Variants in CEP192 observed in about 807,000 individuals in gnomAD.
The protein encoded by CEP192 is centrosomal protein 192.
Under a neutral mutation model 271.8 loss-of-function variants are expected in CEP192, and 151 were observed. That is an observed-to-expected ratio of 0.56 (90% CI 0.49 to 0.64). CEP192 has a LOEUF of 0.64. Among genes scored for constraint, CEP192 ranks in the 30% least tolerant of loss-of-function variants. The probability of loss-of-function intolerance (pLI) is 0.00; values close to 1 mark genes in which losing one functional copy is unlikely to be tolerated. For synonymous variants in CEP192, 995 were observed against 1,076.5 expected, an observed-to-expected ratio of 0.92 and a Z score of 1.48; for missense variants, 2,910 against 3,020.5, an observed-to-expected ratio of 0.96 and a Z score of 0.86.
At chr18:13,117,097 A>T (rs997593189) in intron 43 of CEP192, among the ~76,000 whole-genome samples, 1 of 151,280 alleles carries the variant, frequency 6.6e-6, no homozygotes, top group African/African-American at 2.4e-5. Context: ...GGTGGCAGGT[A>T]CCTGTAGTTC....
In CEP192 at chr18:13,019,076, T is replaced by A; in HGVS notation, c.926-6T>A. ...GCTCCTTTAACATTTTTCTTTATTT[T>A]TTCAGGTAATTCTATAGGTACTGGA... On this transcript the variant is annotated splice_region_variant and splice_polypyrimidine_tract_variant and intron_variant, in intron 8 of 44. Coordinates refer to ENST00000506447, the MANE Select transcript of CEP192 (RefSeq NM_032142.4). 6.6e-7 allele frequency: 1 copy of A among 1,525,786 alleles called. No individual in the cohort carries two copies. The highest frequency in any genetic ancestry group is 8.8e-7 in the Non-Finnish European group (1 of 1,138,276). 94.5% of individuals were successfully genotyped at this position (1,525,786 alleles called of 1,614,324 possible).
At chr18:13,002,130 G>C (rs1039310729) in intron 3 of CEP192, among the ~76,000 whole-genome samples, 1 of 152,176 alleles carries the variant, frequency 6.6e-6, no homozygotes, top group Admixed American at 6.5e-5. Context: ...TTATTTGGAA[G>C]ACAGTAAAGG....
chr18:13,095,822 G>A, intron 35 of CEP192, 141 bp downstream of exon 35: 1 of 741,618 alleles, frequency 1.3e-6, no homozygotes, highest in Non-Finnish European at 2.2e-6. Flanking sequence ...TTCCACTGTT[G>A]GAGACCCCAC....
In CEP192 at chr18:13,056,263, T is replaced by C. The variant is rs561356529; in HGVS notation, c.3673T>C (p.Cys1225Arg). Reference sequence around the variant, plus strand: ...TCATCAGACCACCTCTGAAAACCAGTGTACTCCTATTCCCAGCAGCACAGT... The same window carrying C: ...TCATCAGACCACCTCTGAAAACCAGCGTACTCCTATTCCCAGCAGCACAGT... Reference protein sequence around the residue: ...VSHQTTSENQCTPIPSSTVHS... With the variant: ...VSHQTTSENQRTPIPSSTVHS... Residue 1225 changes from cysteine to arginine, a missense_variant, in exon 19 of 45, where the codon TGT becomes CGT. By Grantham distance (180) the Cys-to-Arg change is radical. Coordinates refer to ENST00000506447, the MANE Select transcript of CEP192 (RefSeq NM_032142.4). The C allele has an allele frequency of 8.1e-6, 13 of 1,613,832 alleles. No homozygotes were observed. In the Admixed American group the frequency reaches 2.2e-4, roughly 27 times the overall value.
At chr18:13,085,473 T>A (rs60827697) in intron 30 of CEP192, among the ~76,000 whole-genome samples, 1 of 152,166 alleles carries the variant, frequency 6.6e-6, no homozygotes, top group Non-Finnish European at 1.5e-5. Flanking sequence ...TTTGCCCATG[T>A]CTGTGTCCTG....
At chr18:13,093,881 C>T (rs755009912) in intron 34 of CEP192, among the ~76,000 whole-genome samples, 2 of 152,194 alleles carry the variant, frequency 1.3e-5, no homozygotes, top group African/African-American at 2.4e-5. Flanking sequence ...GGAGATCTGT[C>T]ATTAGCAAGA....
Position 13,029,964 on chromosome 18 carries a change from C to T in CEP192, c.1352C>T (p.Thr451Ile), listed in dbSNP as rs1434466524. The change falls in exon 10 of 45, where the codon ACA (threonine) becomes ATA (isoleucine). Residue 451 changes from threonine to isoleucine, a missense_variant. Physicochemically the swap from Thr to Ile is moderately conservative, Grantham distance 89 (BLOSUM62 -1). Coordinates refer to ENST00000506447, the MANE Select transcript of CEP192 (RefSeq NM_032142.4). Reference sequence around the variant, plus strand: ...TGGTCACCAACTTGTGAAAGGCGAACATGTGAATGTCACGAGTCCATCGAA... The same window carrying T: ...TGGTCACCAACTTGTGAAAGGCGAATATGTGAATGTCACGAGTCCATCGAA... The part of the protein sequence containing the change: ...AIWSPTCERR[T>I]CECHESIEKN... 6.4e-7 allele frequency: 1 copy of T among 1,551,278 alleles called. No individual in the cohort carries two copies. Among genetic ancestry groups the T allele is most frequent in the Non-Finnish European group, 8.7e-7 (1 of 1,146,668 alleles).
chr18:13,037,508 T>C (rs1048359138), intron 12 of CEP192, among the ~76,000 whole-genome samples: 3 of 152,236 alleles, frequency 2.0e-5, no homozygotes, highest in African/African-American at 7.2e-5. Context: ...TACTGAAATA[T>C]ATCTTTAATT....
intron 1 of CEP192, among the ~76,000 whole-genome samples, chr18:12,993,874 T>G (rs771282201): frequency 7.9e-5 from 12 of 152,214 alleles, no homozygotes; most frequent in Admixed American, 5.2e-4. Flanking sequence ...ATCAGCAAAC[T>G]AGGGGTTATA....
Position 13,033,777 on chromosome 18 carries a change from TTAAAGA to T in CEP192, c.1534+3175_1534+3180del, listed in dbSNP as rs1262064225. Among the ~76,000 whole-genome samples, 50 of 152,262 alleles carry T rather than the reference TTAAAGA, an allele frequency of 3.3e-4. 1 individual carries two copies. Among genetic ancestry groups the T allele is most frequent in the African/African-American group, 1.1e-3 (47 of 41,544 alleles). The stretch of plus-strand genomic sequence containing the variant: ...CAAATGGAATGATCACTGGAATAAA[TTAAAGA>T]TAAAGTCCACCTCAAAGCACATAAA... On this transcript the variant is annotated intron_variant, in intron 11 of 44. Transcript: ENST00000506447.
chr18:13,089,055 A>G (rs1225045252), intron 32 of CEP192, among the ~76,000 whole-genome samples: 1 of 152,172 alleles, frequency 6.6e-6, no homozygotes, highest in Non-Finnish European at 1.5e-5. Context: ...CTCACCTCAG[A>G]TTCTCTGGAA....
chr18:13,116,087 C>G (rs2040416326), intron 42 of CEP192, among the ~76,000 whole-genome samples: 1 of 152,130 alleles, frequency 6.6e-6, no homozygotes, highest in Non-Finnish European at 1.5e-5. Context: ...GTGACGGGGC[C>G]AAGCGAAATG....
At chr18:13,088,202 C>T (rs758197532) in intron 32 of CEP192, among the ~76,000 whole-genome samples, 17 of 152,290 alleles carry the variant, frequency 1.1e-4, no homozygotes, top group Non-Finnish European at 2.2e-4. Context: ...ATGCCCAGCA[C>T]TTTGGGAGGC....
intron 27 of CEP192, among the ~76,000 whole-genome samples, chr18:13,070,507 C>T (rs1298451439): frequency 6.6e-6 from 1 of 152,216 alleles, no homozygotes; most frequent in Non-Finnish European, 1.5e-5. Flanking sequence ...TCTCCAAGCC[C>T]ATGACTTCTT....
In CEP192 at chr18:13,030,585, T is replaced by C; in HGVS notation, c.1511T>C (p.Met504Thr). 6.2e-7 allele frequency: 1 copy of C among 1,610,162 alleles called. No homozygotes were observed. The highest frequency in any genetic ancestry group is 8.5e-7 in the Non-Finnish European group (1 of 1,177,016). Reference sequence around the variant, plus strand: ...TTAAATGTGTCTCTAAGTGATGAGATGAATGAAGACTTCAGATCTGGTTGT... The same window carrying C: ...TTAAATGTGTCTCTAAGTGATGAGACGAATGAAGACTTCAGATCTGGTTGT... ...QNLNVSLSDE[M>T]NEDFRSGSEA... Residue 504 changes from methionine to threonine, a missense_variant, in exon 11 of 45, where the codon ATG (methionine) becomes ACG (threonine). Physicochemically the swap from Met to Thr is moderately conservative, Grantham distance 81. Coordinates refer to ENST00000506447, the MANE Select transcript of CEP192 (RefSeq NM_032142.4).
rs137963942 is a variant in CEP192 at position 13,050,147 on chromosome 18, G to T, written c.3017+256G>T. Reference sequence around the variant, plus strand: ...CAGACTGCATAATGGATCTGTCATGGTTCACTTGATACTTCTGGTGAAGAC... The same window carrying T: ...CAGACTGCATAATGGATCTGTCATGTTTCACTTGATACTTCTGGTGAAGAC... On this transcript the variant is annotated intron_variant, in intron 17 of 44. Coordinates refer to ENST00000506447, the MANE Select transcript of CEP192 (RefSeq NM_032142.4). Among the ~76,000 whole-genome samples, 124 of 152,130 alleles carry T rather than the reference G, an allele frequency of 8.2e-4. No homozygotes were observed. The East Asian group carries it at 0.021, about 26-fold the overall frequency.
At chr18:13,067,038 T>C (rs190966306) in intron 21 of CEP192, among the ~76,000 whole-genome samples, 1 of 151,982 alleles carries the variant, frequency 6.6e-6, no homozygotes, top group Non-Finnish European at 1.5e-5. Context: ...CTGTGGATTC[T>C]GCATTCTTGT....
chr18:13,020,205 ACT>A (rs1429831241), intron 9 of CEP192, among the ~76,000 whole-genome samples: 1 of 152,090 alleles, frequency 6.6e-6, no homozygotes, highest in Non-Finnish European at 1.5e-5. Flanking sequence ...TGTAAAACAA[ACT>A]CTACCCATTA....
rs2039817409 is a variant in CEP192 at position 13,103,599 on chromosome 18, A to G, written c.6951+11A>G. The G allele has an allele frequency of 6.3e-7, 1 of 1,591,404 alleles. No homozygotes were observed. Among genetic ancestry groups the G allele is most frequent in the Non-Finnish European group, 8.6e-7 (1 of 1,159,388 alleles). On this transcript the variant is annotated intron_variant, in intron 39 of 44. Transcript: ENST00000506447. ...CCACCTTATGTCAAGGTCAGTCATG[A>G]CTGCCTCAGATATAATCGTTTTAAT...
Sources: allele counts gnomAD v4.1 joint callset (sites outside exome capture counted in the v4.1 genomes callset), GRCh38; gene constraint gnomAD v4.1.1; transcripts MANE v1.5; gene names NCBI Gene and HGNC (gene_info 2026-07-23, HGNC 2026-07-21).